The following LAMA2 variants were observed in gnomAD, a reference collection of about 807,000 sequenced individuals.
LAMA2 encodes the protein laminin subunit alpha-2.
In LAMA2, 269 loss-of-function variants were observed where a neutral mutation model predicts 364.8. That is an observed-to-expected ratio of 0.74 (90% CI 0.67 to 0.82). LAMA2 has a LOEUF of 0.82. LAMA2 is among the 40% of genes least tolerant of loss of function. The pLI is 0.00. For missense variants in LAMA2, 3,807 were observed against 3,873.2 expected, an observed-to-expected ratio of 0.98 and a Z score of 0.45; for synonymous variants, 1,379 against 1,370.6, an observed-to-expected ratio of 1.01 and a Z score of -0.14.
intron 19 of LAMA2, 98 bp downstream of exon 19, chr6:129,288,156 T>C: frequency 1.0e-6 from 1 of 978,812 alleles, no homozygotes; most frequent in Non-Finnish European, 1.7e-6. Context: ...TAGGAAATTA[T>C]GTGGAATACA....
At chr6:129,393,690 A>G (rs573519503) in intron 37 of LAMA2, among the ~76,000 whole-genome samples, 5 of 152,338 alleles carry the variant, frequency 3.3e-5, no homozygotes, top group Admixed American at 3.3e-4. Flanking sequence ...TCAAATATTC[A>G]TATCATATTA....
At chr6:129,304,278 T>C (rs1382445782) in intron 22 of LAMA2, among the ~76,000 whole-genome samples, 2 of 152,174 alleles carry the variant, frequency 1.3e-5, no homozygotes, top group Non-Finnish European at 1.5e-5. Flanking sequence ...TTGTTTTTTG[T>C]TTTTGAGACG....
intron 12 of LAMA2, among the ~76,000 whole-genome samples, chr6:129,221,174 A>T (rs990449640): frequency 2.4e-4 from 36 of 151,720 alleles, no homozygotes; most frequent in East Asian, 1.2e-3. Context: ...AAAAAAAAAT[A>T]AAAATTAAAA....
chr6:129,269,532 A>G (rs180914391), intron 16 of LAMA2, among the ~76,000 whole-genome samples: 1 of 151,906 alleles, frequency 6.6e-6, no homozygotes, highest in Admixed American at 6.6e-5. Flanking sequence ...GAAATAAAAA[A>G]CCCTCTCAAT....
chr6:129,039,442 C>T (rs985427110), intron 1 of LAMA2, among the ~76,000 whole-genome samples: 2 of 152,092 alleles, frequency 1.3e-5, no homozygotes, highest in African/African-American at 4.8e-5. Context: ...AGAAAGCAGG[C>T]CTGATTATAA....
chr6:129,227,824 A>G (rs965716638), intron 12 of LAMA2, among the ~76,000 whole-genome samples: 8 of 152,146 alleles, frequency 5.3e-5, no homozygotes, highest in African/African-American at 1.7e-4. Context: ...CTCAAACTCC[A>G]TGCTGGGAGA....
chr6:129,386,293 T>A (rs1399494503), intron 35 of LAMA2, among the ~76,000 whole-genome samples: 2 of 152,058 alleles, frequency 1.3e-5, no homozygotes, highest in African/African-American at 4.8e-5. Flanking sequence ...CATTCATCTT[T>A]AAGAATGCTC....
In LAMA2 at chr6:129,025,650, C is replaced by T. The variant is rs1451578620; in HGVS notation, c.113-24268C>T. ...TCAAGGAAACCATTTTCACTTCTTT[C>T]GATATGATGTGCAAAATCATGCATT... On this transcript the variant is annotated intron_variant, in intron 1 of 64. Coordinates refer to ENST00000421865, the MANE Select transcript of LAMA2 (RefSeq NM_000426.4). Among the ~76,000 whole-genome samples, 4 of 152,010 alleles carry T rather than the reference C, an allele frequency of 2.6e-5. No homozygotes were observed. In the East Asian group the frequency reaches 5.8e-4, roughly 22 times the overall value.
chr6:129,090,849 T>C (rs764445144), intron 3 of LAMA2, among the ~76,000 whole-genome samples: 1 of 152,202 alleles, frequency 6.6e-6, no homozygotes, highest in Non-Finnish European at 1.5e-5. Flanking sequence ...TGGCCACAGG[T>C]CCATCATTTT....
intron 33 of LAMA2, among the ~76,000 whole-genome samples, chr6:129,368,516 C>T (rs912924670): frequency 1.3e-5 from 2 of 152,110 alleles, no homozygotes; most frequent in African/African-American, 4.8e-5. Context: ...CAGTTATTTT[C>T]CTTGTATATG....
intron 1 of LAMA2, among the ~76,000 whole-genome samples, chr6:129,032,679 G>C (rs950898989): frequency 6.6e-6 from 1 of 152,164 alleles, no homozygotes; most frequent in East Asian, 1.9e-4. Context: ...AAAGGATAAG[G>C]GTAGTCAGCA....
At chr6:129,147,372 C>G (rs532218302) in intron 6 of LAMA2, among the ~76,000 whole-genome samples, 2 of 149,412 alleles carry the variant, frequency 1.3e-5, no homozygotes, top group African/African-American at 5.0e-5. Context: ...TGCCATCAAT[C>G]AACCTGACCA....
At chr6:128,969,831 A>T (rs536879163) in intron 1 of LAMA2, among the ~76,000 whole-genome samples, 16 of 152,218 alleles carry the variant, frequency 1.1e-4, no homozygotes, top group Non-Finnish European at 1.9e-4. Context: ...GATACTACAT[A>T]CTTTAGGAAC....
At chr6:129,427,907 T>A (rs1562554586) in intron 41 of LAMA2, 53 bp downstream of exon 41, 1 of 1,047,088 alleles carries the variant, frequency 9.6e-7, no homozygotes, top group Non-Finnish European at 1.5e-6. Context: ...TTGTTACTGA[T>A]AAGATATTCT....
intron 12 of LAMA2, among the ~76,000 whole-genome samples, chr6:129,223,594 T>C (rs890362737): frequency 3.9e-5 from 6 of 152,224 alleles, no homozygotes; most frequent in Non-Finnish European, 8.8e-5. Flanking sequence ...ATTTATTAAA[T>C]AGGGAATCCA....
intron 28 of LAMA2, among the ~76,000 whole-genome samples, chr6:129,326,775 T>A (rs991706933): frequency 3.5e-5 from 5 of 144,898 alleles, no homozygotes; most frequent in Admixed American, 7.1e-5. Context: ...AATATATAAT[T>A]TATATATTAT....
chr6:128,962,966 A>G (rs1448726013), intron 1 of LAMA2, among the ~76,000 whole-genome samples: 1 of 152,184 alleles, frequency 6.6e-6, no homozygotes, highest in African/African-American at 2.4e-5. Context: ...AATAAAACAA[A>G]CTACTGATGA....
At chr6:129,513,084 A>C (rs1027344859) in intron 63 of LAMA2, among the ~76,000 whole-genome samples, 3 of 152,228 alleles carry the variant, frequency 2.0e-5, no homozygotes, top group Non-Finnish European at 2.9e-5. Flanking sequence ...CACTATAGGC[A>C]GCAGGTAAAC....
At chr6:129,042,785 C>A (rs952167050) in intron 1 of LAMA2, among the ~76,000 whole-genome samples, 11 of 152,038 alleles carry the variant, frequency 7.2e-5, no homozygotes, top group Admixed American at 7.2e-4. Context: ...TTGGTGTAAA[C>A]TTATATTATG....
Sources: gnomAD v4.1 joint callset for allele counts (sites outside exome capture counted in the v4.1 genomes callset) on GRCh38, gnomAD v4.1.1 for gene constraint, MANE v1.5 for transcripts, NCBI Gene and HGNC (gene_info 2026-07-23, HGNC 2026-07-21) for gene names.